GLI3: variants seen among roughly 807,000 people sequenced by gnomAD.
GLI3 encodes the protein GLI family zinc finger 3.
A neutral mutation model predicts 100.8 loss-of-function variants in GLI3; 20 were observed. The ratio of observed to expected loss-of-function variants is 0.20; its 90% CI spans 0.14 to 0.29. GLI3 has a LOEUF of 0.29. GLI3 is among the 10% of genes least tolerant of loss of function. The pLI, the probability that GLI3 is intolerant of heterozygous loss-of-function variation, is 1.00. For missense variants in GLI3, 2,040 were observed against 2,128.5 expected, an observed-to-expected ratio of 0.96 and a Z score of 0.82; for synonymous variants, 938 against 860.5, an observed-to-expected ratio of 1.09 and a Z score of -1.58.
At chr7:42,130,474 A>G (rs1168726317) in intron 3 of GLI3, among the ~76,000 whole-genome samples, 1 of 152,246 alleles carries the variant, frequency 6.6e-6, no homozygotes, top group Non-Finnish European at 1.5e-5. Flanking sequence ...AAGAAGTTTC[A>G]ATAAAAGATT....
At chr7:42,237,225 G>A (rs896164571), upstream of GLI3, among the ~76,000 whole-genome samples, 2 of 151,030 alleles carry the variant, frequency 1.3e-5, no homozygotes, top group African/African-American at 4.8e-5. Context: ...CGCGCCGGTG[G>A]CGCTGCCCCT....
intron 4 of GLI3, among the ~76,000 whole-genome samples, chr7:42,063,148 T>C (rs769594459): frequency 2.0e-5 from 3 of 152,216 alleles, no homozygotes; most frequent in African/African-American, 4.8e-5. Flanking sequence ...TAGGCAGCTA[T>C]AGCATTTTGA....
At chr7:42,057,198 T>C (rs975497972) in intron 4 of GLI3, among the ~76,000 whole-genome samples, 2 of 152,236 alleles carry the variant, frequency 1.3e-5, no homozygotes, top group African/African-American at 2.4e-5. Flanking sequence ...GAATTATACT[T>C]TATTTCTTAG....
chr7:42,245,954 A>T (rs571286673), intron 1 of GLI3, among the ~76,000 whole-genome samples: 1 of 152,072 alleles, frequency 6.6e-6, no homozygotes, highest in South Asian at 2.1e-4. Flanking sequence ...TAAGGAAATG[A>T]AGCTAAATAT....
At chr7:42,003,359 A>C (rs1014119811) in intron 10 of GLI3, among the ~76,000 whole-genome samples, 4 of 152,218 alleles carry the variant, frequency 2.6e-5, no homozygotes, top group African/African-American at 9.6e-5. Flanking sequence ...GATGCTAGAG[A>C]AAAATATTTC....
chr7:41,996,057 GT>G (rs1788116004), intron 10 of GLI3, among the ~76,000 whole-genome samples: 1 of 152,230 alleles, frequency 6.6e-6, no homozygotes, highest in African/African-American at 2.4e-5. Flanking sequence ...CCCAGGGCCT[GT>G]GGTTCAACTC....
In GLI3 at chr7:42,154,731, A is replaced by G. The variant is rs190457278; in HGVS notation, c.125-6263T>C. On this transcript the variant is annotated intron_variant, in intron 2 of 14. Coordinates refer to ENST00000395925, the MANE Select transcript of GLI3 (RefSeq NM_000168.6). ...GGGGGAATAAAGTTCCTGTAGTTTTAAAAAGCAGAATATTTCCTCTTTCCA... is the reference window on the plus strand; with the variant it reads ...GGGGGAATAAAGTTCCTGTAGTTTTGAAAAGCAGAATATTTCCTCTTTCCA... Among the ~76,000 whole-genome samples, 61 of 152,322 alleles carry G rather than the reference A, an allele frequency of 4.0e-4. 1 individual carries two copies. In the East Asian group the frequency reaches 0.01, roughly 25 times the overall value.
At chr7:42,018,849 G>C (rs1049989562) in intron 10 of GLI3, among the ~76,000 whole-genome samples, 1 of 152,160 alleles carries the variant, frequency 6.6e-6, no homozygotes, top group Non-Finnish European at 1.5e-5. Flanking sequence ...ACAGAGACTT[G>C]AACGCCACCC....
intron 2 of GLI3, among the ~76,000 whole-genome samples, chr7:42,198,990 A>G (rs1308059412): frequency 6.6e-6 from 1 of 151,870 alleles, no homozygotes; most frequent in African/African-American, 2.4e-5. Flanking sequence ...AACTAAAATG[A>G]CAAGGCATTT....
upstream of GLI3, among the ~76,000 whole-genome samples, chr7:42,241,838 C>T (rs755049268): frequency 3.0e-4 from 45 of 152,192 alleles, no homozygotes; most frequent in Non-Finnish European, 5.9e-4. Context: ...GACCCATACC[C>T]TATACTCAGA....
intron 3 of GLI3, among the ~76,000 whole-genome samples, 196 bp downstream of exon 3, chr7:42,148,030 T>A (rs1328079779): frequency 6.6e-6 from 1 of 151,864 alleles, no homozygotes; most frequent in Non-Finnish European, 1.5e-5. Context: ...TAAGAAAACA[T>A]CTCTCTCTAA....
At chr7:42,066,663 C>G (rs1449443699) in intron 4 of GLI3, among the ~76,000 whole-genome samples, 2 of 152,220 alleles carry the variant, frequency 1.3e-5, no homozygotes, top group African/African-American at 4.8e-5. Flanking sequence ...AAACAGTATA[C>G]AACATCCACA....
intron 4 of GLI3, among the ~76,000 whole-genome samples, chr7:42,066,128 C>A (rs1184230844): frequency 6.6e-6 from 1 of 152,064 alleles, no homozygotes; most frequent in East Asian, 1.9e-4. Flanking sequence ...GCCAGGGAAC[C>A]TCATGGGAAG....
At position 42,249,251 on chromosome 7, in the gene GLI3, C is replaced by A. The variant is rs1789006841; in HGVS notation, c.-43+14743G>T. On this transcript the variant is annotated intron_variant, in intron 1 of 2. Coordinates refer to the GLI3 transcript ENST00000678978. ...GCGCTCTGCCATTGTATCACAAAAG[C>A]AGTCATAGAGCATACACGAAAGAAT... Among the ~76,000 whole-genome samples the A allele has an allele frequency of 1.3e-5, 2 of 152,164 alleles. 1 individual carries two copies. Among genetic ancestry groups the A allele is most frequent in the Non-Finnish European group, 2.9e-5 (2 of 68,020 alleles).
chr7:42,113,692 GTT>G, intron 3 of GLI3: 2 of 725,218 alleles, frequency 2.8e-6, no homozygotes, highest in Non-Finnish European at 4.9e-6. Flanking sequence ...TTTTTATCAA[GTT>G]TTATAAAAAT....
chr7:42,205,908 A>G (rs955108453), intron 2 of GLI3, among the ~76,000 whole-genome samples: 1 of 152,168 alleles, frequency 6.6e-6, no homozygotes, highest in African/African-American at 2.4e-5. Context: ...AACGACTAAG[A>G]TTGCTTCCCA....
intron 10 of GLI3, among the ~76,000 whole-genome samples, chr7:41,990,445 G>A (rs1377125508): frequency 6.6e-6 from 1 of 152,100 alleles, no homozygotes; most frequent in African/African-American, 2.4e-5. Flanking sequence ...ATTTGAATGG[G>A]TGGTCTCTGT....
intron 1 of GLI3, among the ~76,000 whole-genome samples, chr7:42,263,002 C>A (rs1177838973): frequency 6.6e-6 from 1 of 151,500 alleles, no homozygotes; most frequent in African/African-American, 2.4e-5. Flanking sequence ...TTGGCGAGAG[C>A]TATGGAACTA....
intron 4 of GLI3, among the ~76,000 whole-genome samples, chr7:42,056,917 G>A (rs1293140112): frequency 2.6e-5 from 4 of 151,056 alleles, no homozygotes; most frequent in Non-Finnish European, 4.4e-5. Context: ...AGGAGGCGGA[G>A]GTTGTGGTGA....
Sources: allele counts gnomAD v4.1 joint callset (sites outside exome capture counted in the v4.1 genomes callset), GRCh38; gene constraint gnomAD v4.1.1; transcripts MANE v1.5; gene names NCBI Gene and HGNC (gene_info 2026-07-23, HGNC 2026-07-21).